UMAD1: variants seen among roughly 807,000 people sequenced by gnomAD.
UMAD1 encodes UBAP1-MVB12-associated (UMA) domain containing 1, also known as UBAP1-MVB12-associated (UMA)-domain containing protein 1.
UMAD1 carries 8 observed loss-of-function variants against 6.1 expected under a neutral mutation model. The observed-to-expected ratio is 1.30, with a 90% CI of 0.76 to 2.35. The LOEUF (loss-of-function observed/expected upper bound fraction) is 2.35. UMAD1 is among the 30% of genes most tolerant of loss of function. UMAD1 has a pLI of 0.00. For missense variants in UMAD1, 130 were observed against 78.4 expected (o/e 1.66, Z -2.49); for synonymous variants, 56 against 31.4 (o/e 1.78, Z -2.61).
rs77053500 is a variant in UMAD1, at chr7:7,863,714, C to A, written c.157-13567C>A. ...ATGGAGAAATAAGATCAAAGAGCCA[C>A]CAAACAGAGAAACAAGATACATAAA... On this transcript the variant is annotated intron_variant, in intron 3 of 3. Coordinates refer to ENST00000682710, the MANE Select transcript of UMAD1 (RefSeq NM_001302348.2). 5.3e-3 allele frequency among the ~76,000 whole-genome samples: 803 copies of A among 152,172 alleles called. 6 individuals carry two copies. The highest frequency in any genetic ancestry group is 0.018 in the African/African-American group (763 of 41,510).
At chr7:7,678,632 T>C (rs1332037810) in intron 2 of UMAD1, among the ~76,000 whole-genome samples, 8 of 131,706 alleles carry the variant, frequency 6.1e-5, no homozygotes, top group Non-Finnish European at 1.2e-4. Context: ...TATACTTAAT[T>C]TATAGATAAA....
rs1332875336 is a variant in UMAD1 at position 7,878,721 on chromosome 7, CTG to C, written c.*1186_*1187del. 1 of 152,138 alleles carries C rather than the reference CTG, an allele frequency of 6.6e-6. No individual in the cohort carries two copies. Among genetic ancestry groups the C allele is most frequent in the Non-Finnish European group, 1.5e-5 (1 of 68,016 alleles). The allele number at this position is 152,138 out of a possible 1,614,324, so 9.4% of individuals were successfully genotyped here. A position where few individuals can be genotyped will look rare whatever the true frequency, so the allele number is the denominator to read the frequency against. ...TAGAGTGCCATAGTGAAACTAAACA[CTG>C]TGCATAAAGGTACATGAATTATTCC... is the stretch of plus-strand genomic sequence containing the variant. On this transcript the variant is annotated 3_prime_UTR_variant, in exon 4 of 4. Coordinates refer to ENST00000682710, the MANE Select transcript of UMAD1 (RefSeq NM_001302348.2).
At chr7:7,807,283 C>T (rs1298637081) in intron 3 of UMAD1, among the ~76,000 whole-genome samples, 1 of 152,050 alleles carries the variant, frequency 6.6e-6, no homozygotes, top group East Asian at 1.9e-4. Context: ...ATAATTTTGT[C>T]TACTTGTATG....
At chr7:7,848,121 T>C (rs1260000640) in intron 3 of UMAD1, among the ~76,000 whole-genome samples, 1 of 152,192 alleles carries the variant, frequency 6.6e-6, no homozygotes, top group African/African-American at 2.4e-5. Context: ...ATGATAATTT[T>C]TAACCATTGT....
At chr7:7,847,104 A>AATATAT (rs1170307529) in intron 3 of UMAD1, among the ~76,000 whole-genome samples, 25 of 6,568 alleles carry the variant, frequency 3.8e-3, no homozygotes, top group Admixed American at 8.0e-3. Context: ...AAAAAAAAAA[A>AATATAT]ATATATATAT....
intron 3 of UMAD1, among the ~76,000 whole-genome samples, chr7:7,864,673 T>A (rs986917666): frequency 1.3e-5 from 2 of 150,230 alleles, no homozygotes; most frequent in Admixed American, 1.3e-4. Flanking sequence ...AAGAATTGAG[T>A]TTTTTTTCTT....
intron 1 of UMAD1, among the ~76,000 whole-genome samples, chr7:7,670,204 A>G (rs1779571714): frequency 6.6e-6 from 1 of 152,198 alleles, no homozygotes; most frequent in Non-Finnish European, 1.5e-5. Context: ...GGGTTGGAGA[A>G]TGACTTATTA....
chr7:7,701,909 T>A (rs571140100), intron 2 of UMAD1, among the ~76,000 whole-genome samples: 1 of 152,342 alleles, frequency 6.6e-6, no homozygotes, highest in South Asian at 2.1e-4. Context: ...ATTTCTGCCA[T>A]CTCTCTGCCA....
At chr7:7,697,220 G>A (rs1288082423) in intron 2 of UMAD1, among the ~76,000 whole-genome samples, 1 of 152,120 alleles carries the variant, frequency 6.6e-6, no homozygotes, top group Non-Finnish European at 1.5e-5. Flanking sequence ...CTTTGCAACA[G>A]TCCTGATTGG....
At position 7,782,879 on chromosome 7, in the gene UMAD1, G is replaced by A. The variant is rs1432777039; in HGVS notation, c.83-18791G>A. Among the ~76,000 whole-genome samples, 8 of 151,958 alleles carry A rather than the reference G, an allele frequency of 5.3e-5. No individual in the cohort carries two copies. The East Asian group carries it at 5.8e-4, about 11-fold the overall frequency. The stretch of plus-strand genomic sequence containing the variant: ...CAAATAGCTGGGACTACAGATGCAC[G>A]CCACCACACCCAGCTAATATTTTTT... On this transcript the variant is annotated intron_variant, in intron 2 of 3. Transcript: ENST00000682710.
intron 3 of UMAD1, among the ~76,000 whole-genome samples, chr7:7,822,220 T>G (rs1436948854): frequency 6.6e-6 from 1 of 152,088 alleles, no homozygotes; most frequent in Non-Finnish European, 1.5e-5. Context: ...TTGGGCGCAC[T>G]GAGAATAGTA....
At chr7:7,866,602 A>G (rs1784230299) in intron 3 of UMAD1, among the ~76,000 whole-genome samples, 1 of 152,250 alleles carries the variant, frequency 6.6e-6, no homozygotes, top group South Asian at 2.1e-4. Context: ...ATGAATCTAC[A>G]TACATGTCTA....
intron 2 of UMAD1, among the ~76,000 whole-genome samples, chr7:7,769,409 A>G (rs922984153): frequency 1.3e-5 from 2 of 152,152 alleles, no homozygotes; most frequent in African/African-American, 4.8e-5. Flanking sequence ...ATACAAGTTT[A>G]TTAAACATGA....
At chr7:7,787,095 CT>C (rs1782475635) in intron 2 of UMAD1, among the ~76,000 whole-genome samples, 1 of 152,126 alleles carries the variant, frequency 6.6e-6, no homozygotes, top group Non-Finnish European at 1.5e-5. Flanking sequence ...CCCTAGAAAA[CT>C]GCTGAACTTA....
rs1324670030 is a variant in UMAD1 at position 7,847,097 on chromosome 7, AAAAAAAAATATATATATATATATATAT to A, written c.157-30182_157-30156del. On this transcript the variant is annotated intron_variant, in intron 3 of 3. Transcript: ENST00000682710. ...AAAAAGACAGCAATGCAAAAAAAAA[AAAAAAAAATATATATATATATATATAT>A]ATATATATATATATATATATATATA... Among the ~76,000 whole-genome samples the A allele has an allele frequency of 2.0e-4, 10 of 48,856 alleles. 2 individuals are homozygous for A. Among genetic ancestry groups the A allele is most frequent in the South Asian group, 6.4e-4 (1 of 1,562 alleles). The allele number at this position is 48,856 out of a possible 152,430, so 32.1% of individuals were successfully genotyped here. A position where few individuals can be genotyped will look rare whatever the true frequency, so the allele number is the denominator to read the frequency against.
chr7:7,817,503 A>G (rs1245136489), intron 3 of UMAD1, among the ~76,000 whole-genome samples: 1 of 152,196 alleles, frequency 6.6e-6, no homozygotes, highest in Non-Finnish European at 1.5e-5. Flanking sequence ...ACATTACTTC[A>G]TCTCTCCGAA....
chr7:7,842,262 G>C (rs1042884790), intron 3 of UMAD1, among the ~76,000 whole-genome samples: 1 of 152,066 alleles, frequency 6.6e-6, no homozygotes, highest in Non-Finnish European at 1.5e-5. Flanking sequence ...TCTGCGCAGG[G>C]ATGATATTAT....
chr7:7,653,045 C>A (rs1165512696), intron 1 of UMAD1, among the ~76,000 whole-genome samples: 1 of 152,222 alleles, frequency 6.6e-6, no homozygotes, highest in African/African-American at 2.4e-5. Context: ...CATCCCATGA[C>A]TTAATTCTCC....
chr7:7,821,234 G>A (rs187252505), intron 3 of UMAD1, among the ~76,000 whole-genome samples: 13 of 152,086 alleles, frequency 8.5e-5, no homozygotes, highest in Middle Eastern at 3.4e-3. Context: ...ACCACTTGCC[G>A]CTTGTGGCTA....
Sources: allele counts gnomAD v4.1 joint callset (sites outside exome capture counted in the v4.1 genomes callset), GRCh38; gene constraint gnomAD v4.1.1; transcripts MANE v1.5; gene names NCBI Gene and HGNC (gene_info 2026-07-23, HGNC 2026-07-21).